BCL2L13: variants seen among roughly 807,000 people sequenced by gnomAD.
BCL2L13 encodes the protein BCL2 like 13, also known as bcl-2-like protein 13.
BCL2L13 carries 13 observed loss-of-function variants against 25.8 expected under a neutral mutation model. The ratio of observed to expected loss-of-function variants is 0.50; its 90% CI spans 0.33 to 0.80. The LOEUF (loss-of-function observed/expected upper bound fraction) is 0.80. Ranked by LOEUF, BCL2L13 falls within the 30% of genes least tolerant of loss-of-function variation. BCL2L13 has a pLI of 0.02. For synonymous variants in BCL2L13, 244 were observed against 230.3 expected (o/e 1.06, Z -0.54); for missense variants, 504 against 574.9 (o/e 0.88, Z 1.26).
intron 2 of BCL2L13, among the ~76,000 whole-genome samples, chr22:17,681,931 A>G (rs1264383942): frequency 6.6e-6 from 1 of 152,146 alleles, no homozygotes; most frequent in African/African-American, 2.4e-5. Context: ...AAGGGTTGTT[A>G]TGAGCATTTT....
intron 4 of BCL2L13, 128 bp from the exon 5 acceptor site, chr22:17,696,013 A>G: frequency 1.5e-6 from 1 of 674,446 alleles, no homozygotes; most frequent in Non-Finnish European, 2.6e-6. Context: ...TCTTGTACAA[A>G]ACAGTATGTT....
chr22:17,715,895 G>A (rs960250917), intron 6 of BCL2L13, among the ~76,000 whole-genome samples: 2 of 152,184 alleles, frequency 1.3e-5, no homozygotes, highest in Non-Finnish European at 2.9e-5. Context: ...ATAAAGAGCT[G>A]TACCTAACAG....
At chr22:17,648,850 G>A (rs542706012) in intron 1 of BCL2L13, among the ~76,000 whole-genome samples, 1 of 152,116 alleles carries the variant, frequency 6.6e-6, no homozygotes, top group Non-Finnish European at 1.5e-5. Context: ...TTTGTCTCTG[G>A]CTTTTGGGTT....
chr22:17,630,536 C>T (rs953533438), intron 1 of BCL2L13, among the ~76,000 whole-genome samples: 1 of 151,300 alleles, frequency 6.6e-6, no homozygotes, highest in Non-Finnish European at 1.5e-5. Flanking sequence ...CCTCGGCCTC[C>T]GAGAGTGCTG....
intron 2 of BCL2L13, among the ~76,000 whole-genome samples, chr22:17,669,737 G>A (rs530180614): frequency 1.5e-4 from 23 of 152,286 alleles, no homozygotes; most frequent in South Asian, 1.5e-3. Flanking sequence ...AATGAGTTAT[G>A]TGAGTGGAAC....
chr22:17,658,696 CAAA>C (rs34033346), intron 2 of BCL2L13, among the ~76,000 whole-genome samples: 59 of 104,894 alleles, frequency 5.6e-4, no homozygotes, highest in East Asian at 3.9e-3. Flanking sequence ...ACTCTGTCAC[CAAA>C]AAAAAAAAAA....
chr22:17,640,633 C>T (rs570833217), intron 1 of BCL2L13, among the ~76,000 whole-genome samples: 3 of 151,632 alleles, frequency 2.0e-5, no homozygotes, highest in African/African-American at 7.3e-5. Context: ...CAGGCAGGAG[C>T]ATTGCTTGAG....
At chr22:17,693,410 C>T (rs1410921730) in intron 4 of BCL2L13, among the ~76,000 whole-genome samples, 4 of 130,186 alleles carry the variant, frequency 3.1e-5, no homozygotes, top group Non-Finnish European at 4.6e-5. Flanking sequence ...GACGGAGTCT[C>T]GCTCTGTCAC....
intron 1 of BCL2L13, among the ~76,000 whole-genome samples, chr22:17,647,954 C>A: frequency 6.6e-6 from 1 of 151,970 alleles, no homozygotes. Flanking sequence ...CGGTGAAACC[C>A]CCGTCTCTAC....
chr22:17,668,728 G>A (rs1210029283), intron 2 of BCL2L13, among the ~76,000 whole-genome samples: 4 of 152,182 alleles, frequency 2.6e-5, no homozygotes, highest in African/African-American at 9.7e-5. Context: ...GCCTCCCAAA[G>A]TGCTGGGATT....
chr22:17,649,011 C>T (rs182108578), intron 1 of BCL2L13, among the ~76,000 whole-genome samples: 2,719 of 152,286 alleles, frequency 0.018, 30 homozygotes, highest in Middle Eastern at 0.058. Context: ...CACAGGCTCA[C>T]TGCAGCCTCA....
rs371314290 is a variant in BCL2L13 at position 17,717,380 on chromosome 22, C to CAAAAAAAAA, written c.601-9291_601-9290insAAAAAAAAA. Among the ~76,000 whole-genome samples the CAAAAAAAAA allele has an allele frequency of 4.5e-3, 566 of 126,262 alleles. 42 individuals carry two copies. Among genetic ancestry groups the CAAAAAAAAA allele is most frequent in the African/African-American group, 0.019 (548 of 28,290 alleles). The allele number at this position is 126,262 out of a possible 152,430, so 82.8% of individuals were successfully genotyped here. A position where few individuals can be genotyped will look rare whatever the true frequency, so the allele number is the denominator to read the frequency against. ...GGGGCAACAGAGTGAGACTCTGTCT[C>CAAAAAAAAA]AAAAAAGATCCAATGTTGTTGTTCC... is the stretch of plus-strand genomic sequence containing the variant. On this transcript the variant is annotated intron_variant, in intron 6 of 6. Transcript: ENST00000317582.
chr22:17,644,097 G>A (rs2058387906), intron 1 of BCL2L13, among the ~76,000 whole-genome samples: 1 of 151,038 alleles, frequency 6.6e-6, no homozygotes, highest in African/African-American at 2.5e-5. Context: ...TTTTGGTAGA[G>A]ATGGGATTTC....
At chr22:17,685,135 A>G (rs753715449) in intron 3 of BCL2L13, among the ~76,000 whole-genome samples, 2 of 151,212 alleles carry the variant, frequency 1.3e-5, no homozygotes, top group Non-Finnish European at 3.0e-5. Flanking sequence ...CGGTCTCCCA[A>G]AGTGCTGGGA....
intron 1 of BCL2L13, among the ~76,000 whole-genome samples, chr22:17,642,302 G>A (rs889201132): frequency 6.6e-6 from 1 of 151,880 alleles, no homozygotes; most frequent in African/African-American, 2.4e-5. Flanking sequence ...GGGATTACAG[G>A]TGCGTGCCAC....
intron 3 of BCL2L13, among the ~76,000 whole-genome samples, chr22:17,685,760 C>CTTTTT (rs1166792513): frequency 0.054 from 3,284 of 60,546 alleles, 707 homozygotes; most frequent in Non-Finnish European, 0.066. Context: ...TTTTCTTTTT[C>CTTTTT]TTTTTTTTTT....
intron 6 of BCL2L13, among the ~76,000 whole-genome samples, chr22:17,718,271 A>AT (rs1771703881): frequency 6.6e-6 from 1 of 152,230 alleles, no homozygotes; most frequent in African/African-American, 2.4e-5. Flanking sequence ...GAATAAATAC[A>AT]TTGAGATATA....
intron 2 of BCL2L13, among the ~76,000 whole-genome samples, chr22:17,677,569 C>CA (rs992825220): frequency 6.6e-5 from 10 of 151,482 alleles, no homozygotes; most frequent in African/African-American, 1.5e-4. Context: ...TTGTCTCTAC[C>CA]AAAAAAAAGA....
intron 5 of BCL2L13, among the ~76,000 whole-genome samples, chr22:17,696,810 T>G (rs999358655): frequency 1.3e-5 from 2 of 152,168 alleles, no homozygotes; most frequent in Non-Finnish European, 2.9e-5. Flanking sequence ...CTAGCGTCTG[T>G]TTTTTCCACT....
Sources: allele counts gnomAD v4.1 joint callset (sites outside exome capture counted in the v4.1 genomes callset), GRCh38; gene constraint gnomAD v4.1.1; transcripts MANE v1.5; gene names NCBI Gene and HGNC (gene_info 2026-07-23, HGNC 2026-07-21).